CAPN3: variants seen among roughly 807,000 people sequenced by gnomAD.
CAPN3 encodes calpain-3.
In CAPN3, 88 loss-of-function variants were observed where a neutral mutation model predicts 114.0. The observed-to-expected ratio is 0.77, with a 90% CI of 0.65 to 0.92. CAPN3 has a LOEUF of 0.92. CAPN3 is among the 40% of genes least tolerant of loss of function. The probability of loss-of-function intolerance (pLI) is 0.00; values close to 1 mark genes in which losing one functional copy is unlikely to be tolerated. For missense variants in CAPN3, 1,028 were observed against 1,069.0 expected, an observed-to-expected ratio of 0.96 and a Z score of 0.53; for synonymous variants, 386 against 382.9, an observed-to-expected ratio of 1.01 and a Z score of -0.09.
Position 42,388,984 on chromosome 15 carries a change from A to T in CAPN3, c.689A>T (p.Asp230Val), listed in dbSNP as rs1555420629. The T allele has an allele frequency of 1.2e-6, 2 of 1,613,958 alleles. No individual in the cohort carries two copies. The highest frequency in any genetic ancestry group is 1.7e-6 in the Non-Finnish European group (2 of 1,180,024). Reference sequence around the variant, plus strand: ...GGGAACACCACAGAGGCCATGGAGGACTTCACAGGAGGGGTGGCAGAGTTT... The same window carrying T: ...GGGAACACCACAGAGGCCATGGAGGTCTTCACAGGAGGGGTGGCAGAGTTT... ...KGGNTTEAME[D>V]FTGGVAEFFE... is the part of the protein sequence containing the mutation. The change falls in exon 5 of 24, where the codon GAC becomes GTC. Residue 230 changes from aspartate (D) to valine (V), a missense_variant. Physicochemically the swap from Asp to Val is radical, Grantham distance 152 (BLOSUM62 -3). Coordinates refer to ENST00000397163, the MANE Select transcript of CAPN3 (RefSeq NM_000070.3).
intron 1 of CAPN3, among the ~76,000 whole-genome samples, chr15:42,365,071 A>G (rs754284697): frequency 1.3e-5 from 2 of 152,156 alleles, no homozygotes; most frequent in Admixed American, 6.5e-5. Flanking sequence ...CCTGACAACA[A>G]TGAGGTTCCT....
At chr15:42,405,847 G>A in intron 14 of CAPN3, 79 bp from the exon 15 acceptor site, 1 of 1,164,142 alleles carries the variant, frequency 8.6e-7, no homozygotes, top group Non-Finnish European at 1.3e-6. Flanking sequence ...CCAGGATACA[G>A]GGAAGCCAAA....
At chr15:42,381,737 G>A (rs1230496964) in intron 1 of CAPN3, among the ~76,000 whole-genome samples, 2 of 152,000 alleles carry the variant, frequency 1.3e-5, no homozygotes, top group Non-Finnish European at 2.9e-5. Flanking sequence ...ACGAGGTTTC[G>A]TCATGTTGGC....
chr15:42,378,238 TTG>T (rs1437051933), intron 1 of CAPN3, among the ~76,000 whole-genome samples: 2 of 152,244 alleles, frequency 1.3e-5, no homozygotes, highest in African/African-American at 4.8e-5. Flanking sequence ...ATTAATCTGG[TTG>T]CCCCCACCCC....
chr15:42,390,013 G>T lies in CAPN3; in HGVS notation c.862G>T (p.Ala288Ser). 3 of 1,614,084 alleles carry T rather than the reference G, an allele frequency of 1.9e-6. No individual in the cohort carries two copies. Among genetic ancestry groups the T allele is most frequent in the Non-Finnish European group, 2.5e-6 (3 of 1,179,998 alleles). ...TGGTCTGAACATGGGGGAGTTGATT[G>T]CACGGATGGTAAGGAATATGGATAA... ...PSGLNMGELI[A>S]RMVRNMDNSL... Residue 288 changes from alanine to serine, a missense_variant, in exon 6 of 24, where the codon GCA becomes TCA. Transcript: ENST00000397163.
intron 1 of CAPN3, among the ~76,000 whole-genome samples, chr15:42,378,407 C>T (rs1595811425): frequency 6.6e-6 from 1 of 152,342 alleles, no homozygotes; most frequent in East Asian, 1.9e-4. Flanking sequence ...ATGCAAACCT[C>T]TAGGCCTTCC....
chr15:42,373,508 C>T (rs990833077), intron 1 of CAPN3, among the ~76,000 whole-genome samples: 25 of 152,240 alleles, frequency 1.6e-4, no homozygotes, highest in Non-Finnish European at 3.1e-4. Context: ...CCTGCTCTTA[C>T]ATTAGAGCTG....
intron 9 of CAPN3, among the ~76,000 whole-genome samples, chr15:42,398,917 T>C (rs1353174358): frequency 3.3e-5 from 5 of 149,806 alleles, no homozygotes; most frequent in Non-Finnish European, 7.4e-5. Context: ...CCCAAGTAAC[T>C]AGGATTACAA....
chr15:42,411,389 A>C (rs770905869), intron 23 of CAPN3, 44 bp downstream of exon 23: 2,214 of 1,563,248 alleles, frequency 1.4e-3, no homozygotes, highest in Non-Finnish European at 1.8e-3. Context: ...ATTAAAACTC[A>C]AGGTGGAGGG....
rs762918254 is a variant in CAPN3 at position 42,392,714 on chromosome 15, C to A, written c.1021C>A (p.Leu341Met). The change falls in exon 7 of 24, where the codon CTG (leucine) becomes ATG (methionine). Residue 341 changes from leucine to methionine, a missense_variant. Transcript: ENST00000397163. ...AGGTCACGCCTACTCTGTCACGGGG[C>A]TGGATGAGGTAAGCCTGGTGGGGCT... is the stretch of plus-strand genomic sequence containing the variant. The part of the protein sequence containing the change: ...VRGHAYSVTG[L>M]DEVPFKGEKV... The A allele has an allele frequency of 6.2e-7, 1 of 1,613,612 alleles. No individual in the cohort carries two copies. The highest frequency in any genetic ancestry group is 8.5e-7 in the Non-Finnish European group (1 of 1,179,658).
rs984245480 is a variant in CAPN3 at position 42,412,089 on chromosome 15, GT to G, written c.*317del. The G allele has an allele frequency of 6.5e-7, 1 of 1,534,994 alleles. No individual in the cohort carries two copies. The highest frequency in any genetic ancestry group is 1.4e-5 in the African/African-American group (1 of 73,014). ...GCTCCTGCTTACCTTGCTCTAGGCT[GT>G]CTGCAGAAGCACCTGCCGGTGGCAC... On this transcript the variant is annotated 3_prime_UTR_variant, in exon 24 of 24. Coordinates refer to ENST00000397163, the MANE Select transcript of CAPN3 (RefSeq NM_000070.3).
At chr15:42,362,281 C>T (rs1235108305) in intron 1 of CAPN3, among the ~76,000 whole-genome samples, 1 of 152,182 alleles carries the variant, frequency 6.6e-6, no homozygotes, top group Non-Finnish European at 1.5e-5. Context: ...AAAGCTCTTT[C>T]TCAGAATGGG....
chr15:42,378,093 G>A (rs182270182), intron 1 of CAPN3, among the ~76,000 whole-genome samples: 41 of 152,280 alleles, frequency 2.7e-4, no homozygotes, highest in Non-Finnish European at 4.1e-4. Context: ...AGCAGCTAGG[G>A]GTCCAAGCCG....
At chr15:42,376,508 G>T (rs554882112) in intron 1 of CAPN3, among the ~76,000 whole-genome samples, 4 of 150,194 alleles carry the variant, frequency 2.7e-5, no homozygotes, top group Non-Finnish European at 5.9e-5. Flanking sequence ...GGAGCTCTCA[G>T]TTGGCTCCTG....
intron 16 of CAPN3, 83 bp downstream of exon 16, chr15:42,408,407 C>T (rs1018656191): frequency 1.2e-6 from 1 of 838,482 alleles, no homozygotes; most frequent in East Asian, 2.5e-5. Context: ...GGGCTGGAGG[C>T]TTCCCAGGAG....
chr15:42,402,245 G>A, intron 12 of CAPN3, 110 bp downstream of exon 12: 1 of 1,603,562 alleles, frequency 6.2e-7, no homozygotes, highest in Non-Finnish European at 8.5e-7. Context: ...GCAGGACTGT[G>A]ATAGGAGAGG....
intron 18 of CAPN3, 21 bp downstream of exon 18, chr15:42,409,865 G>A: frequency 1.3e-6 from 2 of 1,593,378 alleles, no homozygotes; most frequent in Non-Finnish European, 8.6e-7. Flanking sequence ...CAAACCAAAT[G>A]GGGGTGGGGT....
Position 42,409,844 on chromosome 15 carries a change from CG to C in CAPN3, c.2050+1del, listed in dbSNP as rs1555423027. 3.1e-6 allele frequency: 4 copies of C among 1,279,352 alleles called. No individual in the cohort carries two copies. Among genetic ancestry groups the C allele is most frequent in the Non-Finnish European group, 4.2e-6 (4 of 949,612 alleles). 79.3% of individuals were successfully genotyped at this position (1,279,352 alleles called of 1,614,324 possible). The stretch of plus-strand genomic sequence containing the variant: ...GGTCCTTAACACAGTCGTGAACAAA[CG>C]TGAGTTGCTCAAACCAAATGGGGGT... On this transcript the variant is annotated splice_donor_variant, in intron 18 of 23. Coordinates refer to ENST00000397163, the MANE Select transcript of CAPN3 (RefSeq NM_000070.3). LOFTEE classifies it high-confidence loss of function.
At chr15:42,378,022 T>C (rs2053135010) in intron 1 of CAPN3, among the ~76,000 whole-genome samples, 1 of 152,198 alleles carries the variant, frequency 6.6e-6, no homozygotes, top group Non-Finnish European at 1.5e-5. Flanking sequence ...GAGTCTGTCC[T>C]GCAGACCCCA....
Sources: allele counts gnomAD v4.1 joint callset (sites outside exome capture counted in the v4.1 genomes callset), GRCh38; gene constraint gnomAD v4.1.1; transcripts MANE v1.5; gene names NCBI Gene and HGNC (gene_info 2026-07-23, HGNC 2026-07-21).